DROSHA: variants seen among roughly 807,000 people sequenced by gnomAD.
DROSHA encodes the protein drosha ribonuclease III, also known as ribonuclease 3.
In DROSHA, 56 loss-of-function variants were observed where a neutral mutation model predicts 181.9. That is an observed-to-expected ratio of 0.31 (90% CI 0.25 to 0.38). DROSHA has a LOEUF of 0.38. Ranked by LOEUF, DROSHA falls within the 10% of genes least tolerant of loss-of-function variation. The pLI is 1.00. For missense variants in DROSHA, 1,218 were observed against 1,743.5 expected (o/e 0.70, Z 5.37); for synonymous variants, 524 against 591.2 (o/e 0.89, Z 1.65).
chr5:31,460,554 T>C (rs1748288432), intron 20 of DROSHA, among the ~76,000 whole-genome samples: 1 of 152,152 alleles, frequency 6.6e-6, no homozygotes, highest in African/African-American at 2.4e-5. Context: ...TAGCAATTAT[T>C]ACTAAAAAAC....
chr5:31,519,037 A>G (rs527430057), intron 6 of DROSHA, among the ~76,000 whole-genome samples: 2 of 152,300 alleles, frequency 1.3e-5, no homozygotes, highest in Admixed American at 1.3e-4. Context: ...TTCAAAATCC[A>G]AACTCCCAAT....
At chr5:31,442,261 C>T (rs1404469084) in intron 23 of DROSHA, among the ~76,000 whole-genome samples, 1 of 152,174 alleles carries the variant, frequency 6.6e-6, no homozygotes, top group Non-Finnish European at 1.5e-5. Flanking sequence ...TAAACTCTGG[C>T]AATAAGCCAT....
At position 31,405,664 on chromosome 5, in the gene DROSHA, A is replaced by AAAAC; in HGVS notation, c.3994+9_3994+12dup. 1 of 1,552,492 alleles carries AAAAC rather than the reference A, an allele frequency of 6.4e-7. No homozygotes were observed. The highest frequency in any genetic ancestry group is 1.4e-5 in the African/African-American group (1 of 72,608). On this transcript the variant is annotated intron_variant, in intron 35 of 35. Transcript: ENST00000344624. Reference sequence around the variant, plus strand: ...CATTATGAACATAATTATAGAAAAAAAAACAGGCTTACATTTTTCAAGCGC... The same window carrying AAAAC: ...CATTATGAACATAATTATAGAAAAAAAAACAAACAGGCTTACATTTTTCAAGCGC...
intron 33 of DROSHA, among the ~76,000 whole-genome samples, chr5:31,407,252 T>G (rs1350586022): frequency 6.6e-6 from 1 of 152,232 alleles, no homozygotes; most frequent in African/African-American, 2.4e-5. Flanking sequence ...AATTTCTAAG[T>G]GTGCATATTC....
Position 31,515,295 on chromosome 5 carries a change from G to A in DROSHA, c.1059-76C>T, listed in dbSNP as rs960211133. On this transcript the variant is annotated intron_variant, in intron 7 of 35. Coordinates refer to ENST00000344624, the MANE Select transcript of DROSHA (RefSeq NM_001382508.1). ...AAAAACTATTCTATTTCACCTATTT[G>A]GTGCATTTTTCACCTAAAATATGAA... The A allele has an allele frequency of 2.0e-6, 3 of 1,484,032 alleles. No individual in the cohort carries two copies. In the African/African-American group the frequency reaches 4.2e-5, roughly 21 times the overall value. The allele number at this position is 1,484,032 out of a possible 1,614,324, so 91.9% of individuals were successfully genotyped here. A position where few individuals can be genotyped will look rare whatever the true frequency, so the allele number is the denominator to read the frequency against.
intron 17 of DROSHA, among the ~76,000 whole-genome samples, chr5:31,469,607 G>A (rs576583877): frequency 2.0e-5 from 3 of 152,136 alleles, no homozygotes; most frequent in East Asian, 1.9e-4. Context: ...TTTAGAATGC[G>A]AACTGTGGAA....
intron 12 of DROSHA, among the ~76,000 whole-genome samples, chr5:31,494,481 C>T (rs1752738506): frequency 6.6e-6 from 1 of 151,444 alleles, no homozygotes; most frequent in African/African-American, 2.4e-5. Flanking sequence ...CAAAGATGGT[C>T]TAAATTAAAT....
intron 23 of DROSHA, among the ~76,000 whole-genome samples, chr5:31,443,481 G>A (rs1745894274): frequency 6.6e-6 from 1 of 152,088 alleles, no homozygotes; most frequent in East Asian, 1.9e-4. Flanking sequence ...TCCACCAAAT[G>A]CCTAATCCTT....
intron 23 of DROSHA, 140 bp downstream of exon 23, chr5:31,448,407 G>A (rs1746562145): frequency 1.5e-6 from 1 of 687,888 alleles, no homozygotes; most frequent in Non-Finnish European, 2.5e-6. Flanking sequence ...TAATGTCAAT[G>A]TTGCAAAATT....
At chr5:31,446,833 A>T (rs1417344983) in intron 23 of DROSHA, among the ~76,000 whole-genome samples, 3 of 152,212 alleles carry the variant, frequency 2.0e-5, no homozygotes, top group Non-Finnish European at 4.4e-5. Context: ...TGAGGCCAGG[A>T]GTTGGAGACC....
rs1580260731 is a variant in DROSHA at position 31,485,527 on chromosome 5, C to G, written c.1915-565G>C. Among the ~76,000 whole-genome samples the G allele has an allele frequency of 2.0e-5, 3 of 151,292 alleles. No homozygotes were observed. The South Asian group carries it at 6.4e-4, about 32-fold the overall frequency. ...ACTTATCTCATAATTCTTCCTCCTA[C>G]TTGTTTTGCTCGGAGTTCATAAATC... On this transcript the variant is annotated intron_variant, in intron 14 of 35. Coordinates refer to ENST00000344624, the MANE Select transcript of DROSHA (RefSeq NM_001382508.1).
At chr5:31,500,377 T>C (rs930178902) in intron 11 of DROSHA, among the ~76,000 whole-genome samples, 28 of 152,162 alleles carry the variant, frequency 1.8e-4, no homozygotes, top group African/African-American at 6.8e-4. Context: ...GAAGAGTAGA[T>C]TGACCTGGGG....
At chr5:31,431,445 T>C in intron 26 of DROSHA, 131 bp downstream of exon 26, 1 of 672,426 alleles carries the variant, frequency 1.5e-6, no homozygotes, top group Non-Finnish European at 2.4e-6. Flanking sequence ...AGGTGGTAGG[T>C]GTCGTCCTAG....
At chr5:31,522,367 T>C (rs960060998) in intron 5 of DROSHA, among the ~76,000 whole-genome samples, 1 of 152,172 alleles carries the variant, frequency 6.6e-6, no homozygotes, top group Non-Finnish European at 1.5e-5. Flanking sequence ...GTCAAAGATA[T>C]ATGTAATTTG....
chr5:31,472,749 G>C (rs1749873130), intron 16 of DROSHA, among the ~76,000 whole-genome samples: 1 of 152,152 alleles, frequency 6.6e-6, no homozygotes, highest in Non-Finnish European at 1.5e-5. Flanking sequence ...TGCTGCACCT[G>C]CCATGATGAA....
At chr5:31,424,990 TTGAACTAC>T (rs1204112916) in intron 27 of DROSHA, among the ~76,000 whole-genome samples, 1 of 152,176 alleles carries the variant, frequency 6.6e-6, no homozygotes, top group African/African-American at 2.4e-5. Context: ...AAATGTTCAC[TTGAACTAC>T]TGGAATGAGT....
chr5:31,409,602 C>T lies in DROSHA; in HGVS notation c.3668-270G>A, dbSNP rs772755085. ...ATAGCTTAAAAGGTACACAGAATGC[C>T]GCTGTATATCAGGGAAAAAATGCTG... On this transcript the variant is annotated intron_variant, in intron 31 of 35. Transcript: ENST00000344624. This position sits in a 1 kb window ranked among gnomAD's most constrained non-coding sequence, Gnocchi z 4.0. 1.3e-5 allele frequency: 5 copies of T among 378,230 alleles called. No homozygotes were observed. In the East Asian group the frequency reaches 2.1e-4, roughly 16 times the overall value. The allele number at this position is 378,230 out of a possible 1,614,324, so 23.4% of individuals were successfully genotyped here.
At chr5:31,493,157 A>C in intron 13 of DROSHA, 50 bp downstream of exon 13, 1 of 1,535,370 alleles carries the variant, frequency 6.5e-7, no homozygotes, top group Non-Finnish European at 8.9e-7. Flanking sequence ...GAAAGAAGGG[A>C]TGAAGGAGGT....
At chr5:31,456,340 T>G (rs1000085073) in intron 20 of DROSHA, among the ~76,000 whole-genome samples, 1 of 152,002 alleles carries the variant, frequency 6.6e-6, no homozygotes, top group African/African-American at 2.4e-5. Context: ...AAGAGTAGGA[T>G]GAGGTTGCTG....
Sources: gnomAD v4.1 joint callset for allele counts (sites outside exome capture counted in the v4.1 genomes callset) on GRCh38, gnomAD v4.1.1 for gene constraint, Gnocchi (gnomAD v3.1) non-coding constraint, MANE v1.5 for transcripts, NCBI Gene and HGNC (gene_info 2026-07-23, HGNC 2026-07-21) for gene names.